F2R: variants seen among roughly 807,000 people sequenced by gnomAD.
The protein encoded by F2R is proteinase-activated receptor 1.
In F2R, 12 loss-of-function variants were observed where a neutral mutation model predicts 18.3. The observed-to-expected ratio is 0.66, with a 90% CI of 0.42 to 1.06. The LOEUF is 1.06. Among genes scored for constraint, F2R ranks in the 50% least tolerant of loss-of-function variants. F2R has a pLI of 0.00. For synonymous variants in F2R, 210 were observed against 219.9 expected, an observed-to-expected ratio of 0.95 and a Z score of 0.40; for missense variants, 438 against 530.8, an observed-to-expected ratio of 0.83 and a Z score of 1.72.
intron 1 of F2R, among the ~76,000 whole-genome samples, chr5:76,723,305 G>A (rs751434992): frequency 1.3e-5 from 2 of 152,352 alleles, no homozygotes; most frequent in African/African-American, 4.8e-5. Flanking sequence ...TCTTTTAGAA[G>A]TAGGTCATGA....
rs1345321365 is a variant in F2R at position 76,716,225 on chromosome 5, C to G, written c.-83C>G. The G allele has an allele frequency of 1.6e-5, 18 of 1,130,656 alleles. No individual in the cohort carries two copies. The highest frequency in any genetic ancestry group is 2.1e-5 in the Non-Finnish European group (18 of 874,690). The allele number at this position is 1,130,656 out of a possible 1,614,324, so 70.0% of individuals were successfully genotyped here. On this transcript the variant is annotated 5_prime_UTR_variant, in exon 1 of 2. Coordinates refer to ENST00000319211, the MANE Select transcript of F2R (RefSeq NM_001992.5). ...TGCCGCGAAGACCGGCTCCCCGACC[C>G]GCAGAAGTCAGGAGAGAGGGTGAAG... is the stretch of plus-strand genomic sequence containing the variant.
intron 1 of F2R, among the ~76,000 whole-genome samples, chr5:76,730,937 A>C (rs1324396099): frequency 6.6e-6 from 1 of 152,228 alleles, no homozygotes; most frequent in Non-Finnish European, 1.5e-5. Flanking sequence ...GTAGAGATGC[A>C]TAGGGCAGCG....
Position 76,716,359 on chromosome 5 carries a change from C to T in F2R, c.52C>T (p.Pro18Ser). The T allele has an allele frequency of 6.8e-7, 1 of 1,466,454 alleles. No individual in the cohort carries two copies. Among genetic ancestry groups the T allele is most frequent in the Admixed American group, 2.4e-5 (1 of 41,742 alleles). The allele number at this position is 1,466,454 out of a possible 1,614,324, so 90.8% of individuals were successfully genotyped here. The change falls in exon 1 of 2, where the codon CCG becomes TCG. Residue 18 changes from proline to serine, a missense_variant. By Grantham distance (74) the Pro-to-Ser change is moderately conservative. Coordinates refer to ENST00000319211, the MANE Select transcript of F2R (RefSeq NM_001992.5). Reference protein sequence around the residue: ...LVAACFSLCGPLLSARTRARR... With the variant: ...LVAACFSLCGSLLSARTRARR... ...GGCCGCCTGCTTCAGTCTGTGCGGC[C>T]CGCTGTTGTCTGCCCGCACCCGGGC...
intron 1 of F2R, among the ~76,000 whole-genome samples, chr5:76,720,037 T>C (rs1189239112): frequency 6.6e-6 from 1 of 152,220 alleles, no homozygotes; most frequent in Non-Finnish European, 1.5e-5. Context: ...CTATAAAGCC[T>C]GAAAGTCAGA....
Position 76,716,151 on chromosome 5 carries a change from GA to G in F2R, c.-156del. The G allele has an allele frequency of 2.2e-6, 1 of 452,266 alleles. No homozygotes were observed. Among genetic ancestry groups the G allele is most frequent in the Admixed American group, 4.5e-5 (1 of 22,012 alleles). The allele number at this position is 452,266 out of a possible 1,614,324, so 28.0% of individuals were successfully genotyped here. A position where few individuals can be genotyped will look rare whatever the true frequency, so the allele number is the denominator to read the frequency against. ...AACCGCCCCAGACACAGCGCTCGCCGAGGGTCGCTTGGACCCTGATCTTACC... is the reference window on the plus strand; with the variant it reads ...AACCGCCCCAGACACAGCGCTCGCCGGGGTCGCTTGGACCCTGATCTTACC... On this transcript the variant is annotated 5_prime_UTR_variant, in exon 1 of 2. Coordinates refer to ENST00000319211, the MANE Select transcript of F2R (RefSeq NM_001992.5).
At chr5:76,718,719 A>T (rs1360603347) in intron 1 of F2R, among the ~76,000 whole-genome samples, 1 of 152,274 alleles carries the variant, frequency 6.6e-6, no homozygotes, top group Non-Finnish European at 1.5e-5. Flanking sequence ...ACCAGTTTAC[A>T]TTCGTCTAGA....
Position 76,733,553 on chromosome 5 carries a change from A to C in F2R, c.*50A>C. The stretch of plus-strand genomic sequence containing the variant: ...AAAGAAAAGTTTATAAAAGTGAATA[A>C]CCTGAGGATTCTATTAGTCCCCACC... On this transcript the variant is annotated 3_prime_UTR_variant, in exon 2 of 2. Transcript: ENST00000319211. The C allele has an allele frequency of 6.9e-7, 1 of 1,438,850 alleles. No homozygotes were observed. The highest frequency in any genetic ancestry group is 9.4e-7 in the Non-Finnish European group (1 of 1,067,084). The allele number at this position is 1,438,850 out of a possible 1,614,324, so 89.1% of individuals were successfully genotyped here.
Position 76,733,554 on chromosome 5 carries a change from C to T in F2R, c.*51C>T, listed in dbSNP as rs775176122. 3 of 1,429,510 alleles carry T rather than the reference C, an allele frequency of 2.1e-6. No homozygotes were observed. The highest frequency in any genetic ancestry group is 2.8e-6 in the Non-Finnish European group (3 of 1,059,944). The allele number at this position is 1,429,510 out of a possible 1,614,324, so 88.6% of individuals were successfully genotyped here. ...AAGAAAAGTTTATAAAAGTGAATAA[C>T]CTGAGGATTCTATTAGTCCCCACCC... On this transcript the variant is annotated 3_prime_UTR_variant, in exon 2 of 2. Transcript: ENST00000319211.
At chr5:76,731,325 G>T (rs1463081233) in intron 1 of F2R, among the ~76,000 whole-genome samples, 17 of 151,964 alleles carry the variant, frequency 1.1e-4, no homozygotes, top group Admixed American at 1.1e-3. Flanking sequence ...AAACCTTTAA[G>T]AAATCCCCTC....
intron 1 of F2R, among the ~76,000 whole-genome samples, chr5:76,726,651 A>G (rs182726749): frequency 4.9e-4 from 74 of 152,306 alleles, no homozygotes; most frequent in Non-Finnish European, 8.8e-4. Context: ...CAGTGAGCCA[A>G]AATCGCACCA....
chr5:76,727,396 G>C (rs2150582209), intron 1 of F2R, among the ~76,000 whole-genome samples: 1 of 152,332 alleles, frequency 6.6e-6, no homozygotes, highest in East Asian at 1.9e-4. Context: ...ACCACATGCA[G>C]GGCACAGGGT....
At chr5:76,729,705 C>T (rs920038502) in intron 1 of F2R, among the ~76,000 whole-genome samples, 3 of 152,210 alleles carry the variant, frequency 2.0e-5, no homozygotes, top group African/African-American at 7.2e-5. Flanking sequence ...GGGGACAAGA[C>T]GTCCAGAGTT....
rs1256737646 is a variant in F2R, at chr5:76,716,376, C to A, written c.69C>A (p.Arg23=). The A allele has an allele frequency of 1.2e-5, 18 of 1,455,418 alleles. No homozygotes were observed. The highest frequency in any genetic ancestry group is 1.5e-5 in the Non-Finnish European group (17 of 1,107,814). 90.2% of individuals were successfully genotyped at this position (1,455,418 alleles called of 1,614,324 possible). A position where few individuals can be genotyped will look rare whatever the true frequency, so the allele number is the denominator to read the frequency against. Residue 23 remains arginine, a synonymous_variant, in exon 1 of 2, where the codon CGC becomes CGA. Coordinates refer to ENST00000319211, the MANE Select transcript of F2R (RefSeq NM_001992.5). ...TGTGCGGCCCGCTGTTGTCTGCCCG[C>A]ACCCGGGCCCGCAGGCCAGGTGAGA... The part of the protein sequence containing the change: ...FSLCGPLLSA[R]TRARRPESKA...
At chr5:76,726,758 T>TAA (rs913272167) in intron 1 of F2R, among the ~76,000 whole-genome samples, 3 of 152,114 alleles carry the variant, frequency 2.0e-5, no homozygotes, top group Non-Finnish European at 4.4e-5. Flanking sequence ...TTTGTGATAT[T>TAA]AAAGTGCCAG....
At position 76,732,924 on chromosome 5, in the gene F2R, G is replaced by A. The variant is rs547401113; in HGVS notation, c.699G>A (p.Gly233=). 2 of 1,614,128 alleles carry A rather than the reference G, an allele frequency of 1.2e-6. No individual in the cohort carries two copies. Among genetic ancestry groups the A allele is most frequent in the Non-Finnish European group, 1.7e-6 (2 of 1,180,036 alleles). ...CLAIWALAIA[G]VVPLLLKEQT... ...CCATCTGGGCTTTGGCCATCGCAGG[G>A]GTAGTGCCTCTGCTCCTCAAGGAGC... The change falls in exon 2 of 2, where the codon GGG becomes GGA. Residue 233 remains glycine, a synonymous_variant. Transcript: ENST00000319211.
chr5:76,727,485 C>T (rs1748585336), intron 1 of F2R, among the ~76,000 whole-genome samples: 1 of 152,182 alleles, frequency 6.6e-6, no homozygotes, highest in Admixed American at 6.5e-5. Flanking sequence ...TCACATTCAT[C>T]ACTGGAGACA....
chr5:76,732,967 G>A lies in F2R; in HGVS notation c.742G>A (p.Gly248Arg), dbSNP rs1748701125. The change falls in exon 2 of 2, where the codon GGG (glycine) becomes AGG (arginine). Residue 248 changes from glycine (G) to arginine (R), a missense_variant. Physicochemically the swap from Gly to Arg is moderately radical, Grantham distance 125. Transcript: ENST00000319211. ...CAAGGAGCAAACCATCCAGGTGCCCGGGCTCAACATCACTACCTGTCATGA... is the reference window on the plus strand; with the variant it reads ...CAAGGAGCAAACCATCCAGGTGCCCAGGCTCAACATCACTACCTGTCATGA... ...LLKEQTIQVP[G>R]LNITTCHDVL... 3.1e-6 allele frequency: 5 copies of A among 1,613,960 alleles called. No individual in the cohort carries two copies. Among genetic ancestry groups the A allele is most frequent in the Admixed American group, 3.3e-5 (2 of 59,992 alleles).
At chr5:76,726,322 AAGAT>A (rs2150581899) in intron 1 of F2R, among the ~76,000 whole-genome samples, 1 of 151,836 alleles carries the variant, frequency 6.6e-6, no homozygotes, top group South Asian at 2.1e-4. Context: ...ACGAGGTCAG[AAGAT>A]AGAGACCATC....
At chr5:76,724,049 C>T (rs942412586) in intron 1 of F2R, among the ~76,000 whole-genome samples, 7 of 151,878 alleles carry the variant, frequency 4.6e-5, no homozygotes, top group African/African-American at 1.2e-4. Flanking sequence ...AAAAAATGAA[C>T]ATTTCCTTCT....
Sources: allele counts gnomAD v4.1 joint callset (sites outside exome capture counted in the v4.1 genomes callset), GRCh38; gene constraint gnomAD v4.1.1; transcripts MANE v1.5; gene names NCBI Gene and HGNC (gene_info 2026-07-23, HGNC 2026-07-21).